Variants in TEK observed in about 807,000 individuals in gnomAD.
The protein encoded by TEK is TEK receptor tyrosine kinase.
Under a neutral mutation model 131.8 loss-of-function variants are expected in TEK, and 43 were observed. That is an observed-to-expected ratio of 0.33 (90% CI 0.26 to 0.42). The LOEUF is 0.42. Ranked by LOEUF, TEK falls within the 10% of genes least tolerant of loss-of-function variation. TEK has a pLI of 1.00. For missense variants in TEK, 1,162 were observed against 1,384.4 expected, an observed-to-expected ratio of 0.84 and a Z score of 2.55; for synonymous variants, 580 against 491.6, an observed-to-expected ratio of 1.18 and a Z score of -2.38.
At chr9:27,157,731 C>T (rs1823386990) in intron 1 of TEK, 100 bp from the exon 2 acceptor site, 1 of 1,356,436 alleles carries the variant, frequency 7.4e-7, no homozygotes, top group Non-Finnish European at 1.1e-6. Flanking sequence ...TAGAAAGAAT[C>T]CTCACACAAC....
chr9:27,143,167 G>A (rs1822791208), intron 1 of TEK, among the ~76,000 whole-genome samples: 1 of 152,196 alleles, frequency 6.6e-6, no homozygotes, highest in Admixed American at 6.5e-5. Context: ...CTTGAAATGA[G>A]CGTAGGTAGA....
intron 4 of TEK, among the ~76,000 whole-genome samples, chr9:27,171,572 A>G (rs1245292751): frequency 6.6e-6 from 1 of 152,230 alleles, no homozygotes; most frequent in Non-Finnish European, 1.5e-5. Context: ...CTCTATGGAC[A>G]TAAAATATAG....
chr9:27,187,911 T>G (rs1824658967), intron 9 of TEK, among the ~76,000 whole-genome samples: 1 of 152,144 alleles, frequency 6.6e-6, no homozygotes, highest in Non-Finnish European at 1.5e-5. Context: ...CTAAATTAAT[T>G]ACTTCTTTAA....
At chr9:27,212,954 A>G in intron 17 of TEK, 57 bp downstream of exon 17, 1 of 1,580,300 alleles carries the variant, frequency 6.3e-7, no homozygotes, top group Non-Finnish European at 8.6e-7. Flanking sequence ...CTCTAAAGTC[A>G]GTTTCAATAT....
At chr9:27,209,262 A>C in intron 16 of TEK, 31 bp downstream of exon 16, 1 of 1,480,726 alleles carries the variant, frequency 6.8e-7, no homozygotes, top group Non-Finnish European at 9.4e-7. Context: ...CTTTCCTGCC[A>C]GAGTTTTTAT....
intron 1 of TEK, among the ~76,000 whole-genome samples, chr9:27,126,500 T>G (rs1451187047): frequency 6.6e-6 from 1 of 152,178 alleles, no homozygotes; most frequent in African/African-American, 2.4e-5. Context: ...GAAAGTGCTT[T>G]TGAGGTTACA....
At chr9:27,159,940 T>C (rs898106036) in intron 2 of TEK, among the ~76,000 whole-genome samples, 2 of 148,232 alleles carry the variant, frequency 1.3e-5, no homozygotes, top group Middle Eastern at 3.2e-3. Flanking sequence ...ATTAGTATCA[T>C]CACAACCACA....
chr9:27,121,822 G>A (rs1024509655), intron 1 of TEK, among the ~76,000 whole-genome samples: 4 of 152,172 alleles, frequency 2.6e-5, no homozygotes, highest in African/African-American at 4.8e-5. Context: ...TTAGCCACTC[G>A]AATCCTGTCC....
chr9:27,111,794 A>T (rs1821358089), intron 1 of TEK, among the ~76,000 whole-genome samples: 1 of 152,218 alleles, frequency 6.6e-6, no homozygotes, highest in African/African-American at 2.4e-5. Flanking sequence ...AAAACTAACA[A>T]AAAAATCACT....
chr9:27,220,284 C>T (rs1306981085), intron 21 of TEK, 139 bp downstream of exon 21: 4 of 731,408 alleles, frequency 5.5e-6, no homozygotes, highest in Non-Finnish European at 9.8e-6. Context: ...AGGAACCCCT[C>T]CCCTTTTATT....
At chr9:27,208,153 C>T (rs1306556073) in intron 15 of TEK, among the ~76,000 whole-genome samples, 1 of 152,178 alleles carries the variant, frequency 6.6e-6, no homozygotes, top group Admixed American at 6.5e-5. Flanking sequence ...CTGAAGTGGA[C>T]AACCTCACTA....
At chr9:27,220,255 A>C in intron 21 of TEK, 110 bp downstream of exon 21, 2 of 916,756 alleles carry the variant, frequency 2.2e-6, no homozygotes, top group South Asian at 2.8e-5. Context: ...ACAAACACCT[A>C]CACACAGAGA....
chr9:27,120,646 G>A (rs1291661117), intron 1 of TEK, among the ~76,000 whole-genome samples: 2 of 152,248 alleles, frequency 1.3e-5, no homozygotes, highest in Non-Finnish European at 2.9e-5. Flanking sequence ...ATGAAAAGGG[G>A]AGGCATTCAT....
chr9:27,153,654 A>G (rs1014366723), intron 1 of TEK, among the ~76,000 whole-genome samples: 1 of 152,232 alleles, frequency 6.6e-6, no homozygotes, highest in African/African-American at 2.4e-5. Flanking sequence ...TCCGTCCCCA[A>G]CATGATTTGG....
intron 6 of TEK, among the ~76,000 whole-genome samples, chr9:27,176,842 CA>C (rs1340036468): frequency 6.6e-6 from 1 of 152,178 alleles, no homozygotes; most frequent in Non-Finnish European, 1.5e-5. Context: ...AACATCTCCC[CA>C]TTTCCTCCAC....
At chr9:27,131,369 C>T (rs1458704866) in intron 1 of TEK, among the ~76,000 whole-genome samples, 4 of 150,594 alleles carry the variant, frequency 2.7e-5, no homozygotes, top group Middle Eastern at 3.4e-3. Flanking sequence ...GTTCCAGCTA[C>T]TTGGGAGGCT....
At chr9:27,161,457 G>C (rs1823545220) in intron 2 of TEK, among the ~76,000 whole-genome samples, 1 of 152,176 alleles carries the variant, frequency 6.6e-6, no homozygotes, top group African/African-American at 2.4e-5. Flanking sequence ...TAAAAGCTTA[G>C]GTAAAGCAAT....
At chr9:27,137,233 A>C (rs923073496) in intron 1 of TEK, among the ~76,000 whole-genome samples, 1 of 151,944 alleles carries the variant, frequency 6.6e-6, no homozygotes, top group South Asian at 2.1e-4. Context: ...CTATCTTTTG[A>C]TAAAACTTCA....
chr9:27,203,233 A>T, intron 13 of TEK, 114 bp downstream of exon 13: 2 of 1,110,640 alleles, frequency 1.8e-6, no homozygotes, highest in Non-Finnish European at 2.7e-6. Flanking sequence ...GGTTGAATGG[A>T]CAGGCATTTA....
Sources: allele counts gnomAD v4.1 joint callset (sites outside exome capture counted in the v4.1 genomes callset), GRCh38; gene constraint gnomAD v4.1.1; transcripts MANE v1.5; gene names NCBI Gene and HGNC (gene_info 2026-07-23, HGNC 2026-07-21).